IDH3B: variants seen among roughly 807,000 people sequenced by gnomAD.
IDH3B encodes isocitrate dehydrogenase (NAD(+)) 3 non-catalytic subunit beta.
IDH3B carries 40 observed loss-of-function variants against 47.5 expected under a neutral mutation model. The ratio of observed to expected loss-of-function variants is 0.84; its 90% CI spans 0.65 to 1.10. The LOEUF (loss-of-function observed/expected upper bound fraction) is 1.10, where lower values mean the gene tolerates loss of function less well. IDH3B is among the 50% of genes least tolerant of loss of function. The pLI, the probability that IDH3B is intolerant of heterozygous loss-of-function variation, is 0.00. For synonymous variants in IDH3B, 185 were observed against 191.0 expected (o/e 0.97, Z 0.26); for missense variants, 450 against 505.2 (o/e 0.89, Z 1.05).
chr20:2,659,992 G>A lies in IDH3B; in HGVS notation c.915+38C>T, dbSNP rs766676387. On this transcript the variant is annotated intron_variant, in intron 9 of 11. Coordinates refer to ENST00000380843, the MANE Select transcript of IDH3B (RefSeq NM_006899.5). ...GGGATGGGAGAGGAATGGCGGACTT[G>A]AGGTCAGAGGAAGGGCCGAGGGAGA... 14 of 1,613,472 alleles carry A rather than the reference G, an allele frequency of 8.7e-6. No homozygotes were observed. The South Asian group carries it at 1.4e-4, about 16-fold the overall frequency.
rs2086885063 is a variant in IDH3B at position 2,659,101 on chromosome 20, G to A, written c.1072-264C>T. ...GGGAAACGCAGATCAGAGGCAGGAT[G>A]TGGCTACCTTCCTTGGAAGAAATAG... On this transcript the variant is annotated intron_variant, in intron 11 of 11. Transcript: ENST00000380843. 4 of 1,437,234 alleles carry A rather than the reference G, an allele frequency of 2.8e-6. No individual in the cohort carries two copies. The South Asian group carries it at 4.6e-5, about 16-fold the overall frequency. The allele number at this position is 1,437,234 out of a possible 1,614,324, so 89.0% of individuals were successfully genotyped here. A position where few individuals can be genotyped will look rare whatever the true frequency, so the allele number is the denominator to read the frequency against.
Position 2,660,021 on chromosome 20 carries a change from C to T in IDH3B, c.915+9G>A. 1.2e-6 allele frequency: 2 copies of T among 1,614,008 alleles called. No homozygotes were observed. The highest frequency in any genetic ancestry group is 3.3e-4 in the Middle Eastern group (2 of 6,060). Reference sequence around the variant, plus strand: ...TCAGAGGAAGGGCCGAGGGAGAAAGCAGCCTCACCGTCTCAAAGACTGCGT... The same window carrying T: ...TCAGAGGAAGGGCCGAGGGAGAAAGTAGCCTCACCGTCTCAAAGACTGCGT... On this transcript the variant is annotated intron_variant, in intron 9 of 11. Transcript: ENST00000380843. The surrounding 1 kb of genome is among the most constrained non-coding windows in gnomAD (Gnocchi z 5.6).
chr20:2,663,326 C>A, intron 4 of IDH3B, 120 bp downstream of exon 4: 1 of 1,194,854 alleles, frequency 8.4e-7, no homozygotes, highest in Non-Finnish European at 1.2e-6. Flanking sequence ...TGTCCAAATA[C>A]CAATGGTGGT....
intron 10 of IDH3B, 53 bp downstream of exon 10, chr20:2,659,646 A>C (rs1404999556): frequency 6.2e-7 from 1 of 1,607,882 alleles, no homozygotes; most frequent in Non-Finnish European, 8.5e-7. Context: ...TAATTTCCCC[A>C]CCTGCTCCTC....
rs1411957107 is a variant in IDH3B, at chr20:2,663,552, T to C, written c.231A>G (p.Pro77=). The part of the protein sequence containing the change: ...VKEVFKAAAV[P]VEFQEHHLSE... ...TCAGGTGGTGCTCCTGGAACTCCAC[T>C]GGGACAGCGGCAGCCTTCAGAGACA... The change falls in exon 4 of 12, where the codon CCA becomes CCG. Residue 77 remains proline, a synonymous_variant. Coordinates refer to ENST00000380843, the MANE Select transcript of IDH3B (RefSeq NM_006899.5). 1.2e-6 allele frequency: 2 copies of C among 1,614,090 alleles called. No individual in the cohort carries two copies. The highest frequency in any genetic ancestry group is 1.7e-6 in the Non-Finnish European group (2 of 1,180,046).
chr20:2,661,890 G>C (rs1394624842), intron 4 of IDH3B, among the ~76,000 whole-genome samples: 1 of 152,218 alleles, frequency 6.6e-6, no homozygotes, highest in African/African-American at 2.4e-5. Context: ...TGGGAAAAGA[G>C]GCTTTGCAGA....
intron 4 of IDH3B, among the ~76,000 whole-genome samples, chr20:2,662,362 G>C (rs1451839000): frequency 6.6e-6 from 1 of 152,202 alleles, no homozygotes; most frequent in Non-Finnish European, 1.5e-5. Flanking sequence ...TGGAACCAAG[G>C]CAGAAAATTA....
Position 2,660,031 on chromosome 20 carries a change from G to T in IDH3B, c.914C>A (p.Thr305Lys). 6.2e-7 allele frequency: 1 copy of T among 1,614,068 alleles called. No homozygotes were observed. Among genetic ancestry groups the T allele is most frequent in the Non-Finnish European group, 8.5e-7 (1 of 1,179,982 alleles). ...GGCCGAGGGAGAAAGCAGCCTCACC[G>T]TCTCAAAGACTGCGTATTCTGCACT... ...SYSAEYAVFE[T>K]GARHPFAQAV... The change falls in exon 9 of 12, where the codon ACG becomes AAG. Residue 305 changes from threonine to lysine, a missense_variant and splice_region_variant. Coordinates refer to ENST00000380843, the MANE Select transcript of IDH3B (RefSeq NM_006899.5). This position sits in a 1 kb window ranked among gnomAD's most constrained non-coding sequence, Gnocchi z 5.6.
chr20:2,659,724 C>G lies in IDH3B; in HGVS notation c.985G>C (p.Ala329Pro), dbSNP rs1181231670. The G allele has an allele frequency of 1.2e-6, 2 of 1,614,050 alleles. No homozygotes were observed. The highest frequency in any genetic ancestry group is 1.7e-5 in the Admixed American group (1 of 60,008). The change falls in exon 10 of 12, where the codon GCT (alanine) becomes CCT (proline). Residue 329 changes from alanine to proline, a missense_variant. Transcript: ENST00000380843. ...IANPTAMLLSASNMLRHLNLE... is the reference protein window; with the variant it reads ...IANPTAMLLSPSNMLRHLNLE... ...TTAAGATGCCGCAGCATGTTGGAAG[C>G]CGACAGCAGCATGGCCGTGGGATTG... is the stretch of plus-strand genomic sequence containing the variant.
intron 4 of IDH3B, among the ~76,000 whole-genome samples, chr20:2,662,499 TGAG>T (rs895899651): frequency 2.1e-4 from 32 of 151,902 alleles, no homozygotes; most frequent in African/African-American, 7.2e-4. Context: ...AAAAATCAAA[TGAG>T]GAGATTAAAG....
chr20:2,660,583 C>T lies in IDH3B; in HGVS notation c.539G>A (p.Arg180Lys), dbSNP rs376423227. 2.1e-5 allele frequency: 34 copies of T among 1,614,036 alleles called. No individual in the cohort carries two copies. The African/African-American group carries it at 4.0e-4, about 19-fold the overall frequency. The change falls in exon 7 of 12, where the codon AGG becomes AAG. Residue 180 changes from arginine to lysine, a missense_variant. Arg to Lys is a conservative substitution (Grantham distance 26). Transcript: ENST00000380843. The surrounding 1 kb of genome is among the most constrained non-coding windows in gnomAD (Gnocchi z 5.6). The part of the protein sequence containing the change: ...EYSSLEHESA[R>K]GVIECLKIVT... ...AATCTTCAAACACTCAATCACACCCCTTGCACTCTGGGTAAGAAGAAAGCA... is the reference window on the plus strand; with the variant it reads ...AATCTTCAAACACTCAATCACACCCTTTGCACTCTGGGTAAGAAGAAAGCA...
intron 10 of IDH3B, 55 bp downstream of exon 10, chr20:2,659,644 C>T: frequency 6.2e-7 from 1 of 1,608,180 alleles, no homozygotes. Context: ...GCTAATTTCC[C>T]CACCTGCTCC....
In IDH3B at chr20:2,658,551, T is replaced by G. The variant is rs1305310245; in HGVS notation, c.*200A>C. The G allele has an allele frequency of 3.1e-6, 5 of 1,613,452 alleles. No individual in the cohort carries two copies. The highest frequency in any genetic ancestry group is 4.2e-6 in the Non-Finnish European group (5 of 1,179,710). Reference sequence around the variant, plus strand: ...TGGGGGAGAATCATCATCATCCATGTGGCCTGGGCTCCATCCTAACAATCC... The same window carrying G: ...TGGGGGAGAATCATCATCATCCATGGGGCCTGGGCTCCATCCTAACAATCC... On this transcript the variant is annotated 3_prime_UTR_variant, in exon 12 of 12. Coordinates refer to ENST00000380843, the MANE Select transcript of IDH3B (RefSeq NM_006899.5).
Position 2,659,721 on chromosome 20 carries a change from A to T in IDH3B, c.988T>A (p.Ser330Thr). The part of the protein sequence containing the change: ...ANPTAMLLSA[S>T]NMLRHLNLEY... ...TACTTAAGATGCCGCAGCATGTTGG[A>T]AGCCGACAGCAGCATGGCCGTGGGA... The change falls in exon 10 of 12, where the codon TCC becomes ACC. Residue 330 changes from serine to threonine, a missense_variant. Physicochemically the swap from Ser to Thr is moderately conservative, Grantham distance 58. Transcript: ENST00000380843. 1 of 1,614,126 alleles carries T rather than the reference A, an allele frequency of 6.2e-7. No individual in the cohort carries two copies. The highest frequency in any genetic ancestry group is 8.5e-7 in the Non-Finnish European group (1 of 1,179,994).
Position 2,660,255 on chromosome 20 carries a change from G to A in IDH3B, c.768+8C>T. 1.9e-6 allele frequency: 3 copies of A among 1,614,062 alleles called. No individual in the cohort carries two copies. The highest frequency in any genetic ancestry group is 1.7e-6 in the Non-Finnish European group (2 of 1,179,920). On this transcript the variant is annotated splice_region_variant and intron_variant, in intron 8 of 11. Transcript: ENST00000380843. The surrounding 1 kb of genome is among the most constrained non-coding windows in gnomAD (Gnocchi z 5.6). ...CGCCCCATGAGTAGAGATGTGGGGA[G>A]GCCTCACCTGCATGCAGCAGTTGTC...
Position 2,660,373 on chromosome 20 carries a change from T to C in IDH3B, c.666-8A>G, listed in dbSNP as rs1568548459. On this transcript the variant is annotated splice_polypyrimidine_tract_variant and splice_region_variant and intron_variant, in intron 7 of 11. Transcript: ENST00000380843. This position sits in a 1 kb window ranked among gnomAD's most constrained non-coding sequence, Gnocchi z 5.6. Reference sequence around the variant, plus strand: ...AACCCATCCCCAAGTTTCCTGTCCATGGGCCAAAGGGGACAGAATCAGCCA... The same window carrying C: ...AACCCATCCCCAAGTTTCCTGTCCACGGGCCAAAGGGGACAGAATCAGCCA... The C allele has an allele frequency of 1.2e-6, 2 of 1,614,062 alleles. No individual in the cohort carries two copies. The highest frequency in any genetic ancestry group is 8.5e-7 in the Non-Finnish European group (1 of 1,179,978).
In IDH3B at chr20:2,658,425, A is replaced by T. The variant is rs549032456; in HGVS notation, c.*326T>A. The T allele has an allele frequency of 1.2e-5, 20 of 1,613,834 alleles. No individual in the cohort carries two copies. Among genetic ancestry groups the T allele is most frequent in the Non-Finnish European group, 1.6e-5 (19 of 1,179,910 alleles). ...TCATGTTCTTTATTGAACACCTTACATGGGTATGGACAGGGCCTATGGGTG... is the reference window on the plus strand; with the variant it reads ...TCATGTTCTTTATTGAACACCTTACTTGGGTATGGACAGGGCCTATGGGTG... On this transcript the variant is annotated 3_prime_UTR_variant, in exon 12 of 12. Transcript: ENST00000380843.
chr20:2,662,546 C>T (rs1330929652), intron 4 of IDH3B, among the ~76,000 whole-genome samples: 5 of 151,906 alleles, frequency 3.3e-5, no homozygotes, highest in Admixed American at 1.3e-4. Flanking sequence ...CAGCTAGGCA[C>T]GGTGGCTCAC....
In IDH3B at chr20:2,660,072, G is replaced by A. The variant is rs1360163081; in HGVS notation, c.873C>T (p.Val291=). The A allele has an allele frequency of 1.3e-5, 21 of 1,613,996 alleles. No individual in the cohort carries two copies. The highest frequency in any genetic ancestry group is 1.6e-4 in the Middle Eastern group (1 of 6,062). The part of the protein sequence containing the change: ...AAGLVGGAGV[V]PGESYSAEYA... The stretch of plus-strand genomic sequence containing the variant: ...ATTCTGCACTATAGCTCTCACCAGG[G>A]ACCACACCAGCTCCCCCAACCAGGC... Residue 291 remains valine, a synonymous_variant, in exon 9 of 12, where the codon GTC becomes GTT. Transcript: ENST00000380843. The surrounding 1 kb of genome is among the most constrained non-coding windows in gnomAD (Gnocchi z 5.6).
Sources: gnomAD v4.1 joint callset for allele counts (sites outside exome capture counted in the v4.1 genomes callset) on GRCh38, gnomAD v4.1.1 for gene constraint, Gnocchi (gnomAD v3.1) non-coding constraint, MANE v1.5 for transcripts, NCBI Gene and HGNC (gene_info 2026-07-23, HGNC 2026-07-21) for gene names.